Variants in PHLDB1 observed in about 807,000 individuals in gnomAD.
PHLDB1 encodes pleckstrin homology-like domain family B member 1.
PHLDB1 carries 65 observed loss-of-function variants against 139.3 expected under a neutral mutation model. The observed-to-expected ratio is 0.47, with a 90% CI of 0.38 to 0.57. The LOEUF (loss-of-function observed/expected upper bound fraction) is 0.57. Ranked by LOEUF, PHLDB1 falls within the 20% of genes least tolerant of loss-of-function variation. PHLDB1 has a pLI of 0.00. For synonymous variants in PHLDB1, 679 were observed against 734.5 expected (o/e 0.92, Z 1.22); for missense variants, 1,624 against 1,839.7 (o/e 0.88, Z 2.14).
intron 10 of PHLDB1, chr11:118,637,098 G>T (rs1235923096): frequency 6.6e-6 from 1 of 152,192 alleles, no homozygotes; most frequent in Non-Finnish European, 1.5e-5. Flanking sequence ...GTGACTCAGA[G>T]TACTGGTCTG....
chr11:118,612,263 C>A, intron 1 of PHLDB1, among the ~76,000 whole-genome samples: 1 of 152,028 alleles, frequency 6.6e-6, no homozygotes, highest in East Asian at 1.9e-4. Flanking sequence ...GAATTTAAGG[C>A]TTTATATATC....
intron 20 of PHLDB1, chr11:118,652,068 C>T (rs1481413192): frequency 6.6e-5 from 10 of 152,282 alleles, no homozygotes; most frequent in Non-Finnish European, 1.3e-4. Flanking sequence ...CACAGCCTCA[C>T]CTAGCCACAC....
chr11:118,625,292 G>T (rs1400534822), intron 5 of PHLDB1, among the ~76,000 whole-genome samples: 2 of 152,228 alleles, frequency 1.3e-5, no homozygotes, highest in Non-Finnish European at 2.9e-5. Context: ...GGGATGGCAA[G>T]CTCTGCCAGC....
At position 118,611,053 on chromosome 11, in the gene PHLDB1, C is replaced by G. The variant is rs1555083528; in HGVS notation, c.-21-2763C>G. ...TAATGACAGCCGGGTTGCTGGGGAG[C>G]CGCGGGCCAGATGGAAGCGGGGCCG... On this transcript the variant is annotated intron_variant, in intron 1 of 22. Transcript: ENST00000600882. The surrounding 1 kb of genome is among the most constrained non-coding windows in gnomAD (Gnocchi z 4.7). Among the ~76,000 whole-genome samples, 1 of 152,162 alleles carries G rather than the reference C, an allele frequency of 6.6e-6. No homozygotes were observed. The highest frequency in any genetic ancestry group is 6.5e-5 in the Admixed American group (1 of 15,282).
In PHLDB1 at chr11:118,657,211, A is replaced by G. The variant is rs1949156984; in HGVS notation, c.*388A>G. 6.1e-6 allele frequency: 1 copy of G among 164,984 alleles called. No individual in the cohort carries two copies. The highest frequency in any genetic ancestry group is 2.4e-5 in the African/African-American group (1 of 41,768). 10.2% of individuals were successfully genotyped at this position (164,984 alleles called of 1,614,324 possible). ...AGAGCCACATCCAGAGTGGGGTAAT[A>G]GCTCAGGCGGCCCGCTTCCCATTTC... On this transcript the variant is annotated 3_prime_UTR_variant, in exon 23 of 23. Transcript: ENST00000600882.
In PHLDB1 at chr11:118,655,676, C is replaced by A; in HGVS notation, c.3946C>A (p.Arg1316Ser). The change falls in exon 21 of 23, where the codon CGC (arginine) becomes AGC (serine). Residue 1316 changes from arginine to serine, a missense_variant. By Grantham distance (110) the Arg-to-Ser change is moderately radical (BLOSUM62 -1). Transcript: ENST00000600882. ...AIEEVYYDHL[R>S]SAAKKRFFRF... is the part of the protein sequence containing the mutation. The stretch of plus-strand genomic sequence containing the variant: ...TGAGGAAGTGTACTACGACCACCTG[C>A]GCAGTGCAGCCAAGGTCAGGGGTGG... 1 of 1,611,368 alleles carries A rather than the reference C, an allele frequency of 6.2e-7. No individual in the cohort carries two copies. The highest frequency in any genetic ancestry group is 8.5e-7 in the Non-Finnish European group (1 of 1,177,576).
Position 118,657,648 on chromosome 11 carries a change from ATGG to A in PHLDB1, c.*826_*828del. On this transcript the variant is annotated 3_prime_UTR_variant, in exon 23 of 23. Coordinates refer to ENST00000600882, the MANE Select transcript of PHLDB1 (RefSeq NM_001144758.3). ...CAGAAGGGATGAAGCCGGGGGATCTATGGAACAGAGGAGGAGCGATGCAGTTGG... is the reference window on the plus strand; with the variant it reads ...CAGAAGGGATGAAGCCGGGGGATCTAAACAGAGGAGGAGCGATGCAGTTGG... 1 of 153,708 alleles carries A rather than the reference ATGG, an allele frequency of 6.5e-6. No individual in the cohort carries two copies. Among genetic ancestry groups the A allele is most frequent in the Non-Finnish European group, 1.5e-5 (1 of 68,778 alleles). The allele number at this position is 153,708 out of a possible 1,614,324, so 9.5% of individuals were successfully genotyped here. A position where few individuals can be genotyped will look rare whatever the true frequency, so the allele number is the denominator to read the frequency against.
Position 118,631,268 on chromosome 11 carries a change from G to T in PHLDB1, c.1889G>T (p.Gly630Val). ...LCAEYSRADG[G>V]PEAGELPSIG... ...GCCGAATACAGCCGGGCTGATGGGGGACCTGAGGCTGGGGAGCTTCCCAGC... is the reference window on the plus strand; with the variant it reads ...GCCGAATACAGCCGGGCTGATGGGGTACCTGAGGCTGGGGAGCTTCCCAGC... Residue 630 changes from glycine to valine, a missense_variant, in exon 7 of 23, where the codon GGA becomes GTA. Physicochemically the swap from Gly to Val is moderately radical, Grantham distance 109 (BLOSUM62 -3). Coordinates refer to ENST00000600882, the MANE Select transcript of PHLDB1 (RefSeq NM_001144758.3). The T allele has an allele frequency of 6.7e-7, 1 of 1,500,132 alleles. No individual in the cohort carries two copies. The highest frequency in any genetic ancestry group is 2.4e-5 in the Admixed American group (1 of 42,138). The allele number at this position is 1,500,132 out of a possible 1,614,324, so 92.9% of individuals were successfully genotyped here.
At position 118,638,980 on chromosome 11, in the gene PHLDB1, C is replaced by T. The variant is rs1555117816; in HGVS notation, c.2625C>T (p.Ala875=). The T allele has an allele frequency of 1.9e-6, 3 of 1,613,430 alleles. No individual in the cohort carries two copies. Among genetic ancestry groups the T allele is most frequent in the South Asian group, 2.2e-5 (2 of 90,986 alleles). The stretch of plus-strand genomic sequence containing the variant: ...AACGCCTGGCCCGGGACAAGAATGC[C>T]TCCTTACAGCTGCTGCAAAAGGTAG... ...ESERLARDKN[A]SLQLLQKEKE... Residue 875 remains alanine, a synonymous_variant, in exon 11 of 23, where the codon GCC becomes GCT. Transcript: ENST00000600882.
At chr11:118,640,454 G>A (rs1171186503) in intron 12 of PHLDB1, 1 of 152,244 alleles carries the variant, frequency 6.6e-6, no homozygotes, top group African/African-American at 2.4e-5. Flanking sequence ...GAATACGACA[G>A]TCCCTATCCT....
In PHLDB1 at chr11:118,608,610, C is replaced by G. The variant is rs1555080885; in HGVS notation, c.-22+911C>G. Among the ~76,000 whole-genome samples, 3 of 152,118 alleles carry G rather than the reference C, an allele frequency of 2.0e-5. No homozygotes were observed. ...TTAGCTCAGCGGTCCTGGAGCCTCC[C>G]GAGGCTGACTCATCGGGCGGCGGGC... On this transcript the variant is annotated intron_variant, in intron 1 of 22. Transcript: ENST00000600882. This position sits in a 1 kb window ranked among gnomAD's most constrained non-coding sequence, Gnocchi z 6.7.
At chr11:118,617,336 G>A (rs1333480600) in intron 4 of PHLDB1, among the ~76,000 whole-genome samples, 15 of 152,150 alleles carry the variant, frequency 9.9e-5, no homozygotes, top group African/African-American at 3.4e-4. Flanking sequence ...TTTTCTGGGG[G>A]CTCTTACTGC....
Position 118,624,943 on chromosome 11 carries a change from T to A in PHLDB1, c.365T>A (p.Leu122Ter). 6.2e-7 allele frequency: 1 copy of A among 1,614,138 alleles called. No individual in the cohort carries two copies. Among genetic ancestry groups the A allele is most frequent in the Non-Finnish European group, 8.5e-7 (1 of 1,179,992 alleles). ...QPTRLTQGCM[L>*]CLGQSTFLRF... is the part of the protein sequence containing the mutation. ...TTTGCTTTCTCTGCAGGCTGCATGTTGTGCCTGGGTCAGTCCACCTTCCTT... is the reference window on the plus strand; with the variant it reads ...TTTGCTTTCTCTGCAGGCTGCATGTAGTGCCTGGGTCAGTCCACCTTCCTT... Residue 122 changes from leucine (L) to a stop codon, truncating the protein, a stop_gained, in exon 5 of 23, where the codon TTG becomes TAG. Transcript: ENST00000600882. LOFTEE classifies it high-confidence loss of function.
chr11:118,626,376 T>C (rs1943871911), intron 5 of PHLDB1, among the ~76,000 whole-genome samples: 1 of 151,922 alleles, frequency 6.6e-6, no homozygotes, highest in South Asian at 2.1e-4. Flanking sequence ...ATGCCTTCTG[T>C]TTTCTTTTTT....
chr11:118,613,352 T>C (rs1940879211), intron 1 of PHLDB1: 1 of 986,772 alleles, frequency 1.0e-6, no homozygotes, highest in Non-Finnish European at 1.2e-6. Context: ...GAATGAAAGG[T>C]TGCAGGAGGG....
chr11:118,632,343 G>A lies in PHLDB1; in HGVS notation c.2379+47G>A. Reference sequence around the variant, plus strand: ...TTAGTGCTGGGTACCAGTGGCCTGGGAGAGAAGGAGAAATGTCTTCTCTGG... The same window carrying A: ...TTAGTGCTGGGTACCAGTGGCCTGGAAGAGAAGGAGAAATGTCTTCTCTGG... On this transcript the variant is annotated intron_variant, in intron 9 of 22. Coordinates refer to ENST00000600882, the MANE Select transcript of PHLDB1 (RefSeq NM_001144758.3). The surrounding 1 kb of genome is among the most constrained non-coding windows in gnomAD (Gnocchi z 5.9). The A allele has an allele frequency of 6.3e-7, 1 of 1,597,400 alleles. No homozygotes were observed. The highest frequency in any genetic ancestry group is 2.2e-5 in the East Asian group (1 of 44,758).
At chr11:118,635,132 C>A (rs1226300628) in intron 9 of PHLDB1, 1 of 576,900 alleles carries the variant, frequency 1.7e-6, no homozygotes, top group Admixed American at 2.8e-5. Context: ...GACGGGACCA[C>A]CTGGCCTCTG....
At chr11:118,647,720 G>C (rs1190296611) in intron 17 of PHLDB1, 1 of 509,354 alleles carries the variant, frequency 2.0e-6, no homozygotes, top group Non-Finnish European at 3.5e-6. Context: ...TAGTGGTAGC[G>C]GGGCCAGGGT....
intron 12 of PHLDB1, 76 bp downstream of exon 12, chr11:118,639,327 C>A: frequency 9.7e-7 from 1 of 1,027,870 alleles, no homozygotes; most frequent in Non-Finnish European, 1.5e-6. Context: ...ATGGCACTTT[C>A]ACCCCAGTAG....
Sources: allele counts gnomAD v4.1 joint callset (sites outside exome capture counted in the v4.1 genomes callset), GRCh38; gene constraint gnomAD v4.1.1; non-coding constraint Gnocchi (gnomAD v3.1); transcripts MANE v1.5; gene names NCBI Gene and HGNC (gene_info 2026-07-23, HGNC 2026-07-21).